Variants in PLCG2 observed in about 807,000 individuals in gnomAD.
PLCG2 encodes phospholipase C gamma 2.
A neutral mutation model predicts 175.6 loss-of-function variants in PLCG2; 69 were observed. The observed-to-expected ratio is 0.39, with a 90% confidence interval of 0.32 to 0.48. PLCG2 has a LOEUF of 0.48. PLCG2 is among the 20% of genes least tolerant of loss of function. The pLI is 0.91. For synonymous variants in PLCG2, 827 were observed against 624.0 expected, an observed-to-expected ratio of 1.33 and a Z score of -4.85; for missense variants, 1,798 against 1,650.9, an observed-to-expected ratio of 1.09 and a Z score of -1.54.
At chr16:81,778,032 CA>C (rs566484508), upstream of PLCG2, among the ~76,000 whole-genome samples, 24 of 58,710 alleles carry the variant, frequency 4.1e-4, no homozygotes, top group African/African-American at 2.0e-3. Context: ...AAAAAAAAAA[CA>C]AAAAAAAAAC....
chr16:81,854,618 C>T (rs372679048), intron 3 of PLCG2, 31 bp downstream of exon 3: 2 of 1,605,138 alleles, frequency 1.2e-6, no homozygotes, highest in South Asian at 1.1e-5. Flanking sequence ...CTTTCTCCTT[C>T]CCTGTGCCTT....
At chr16:81,837,267 C>T (rs1358183978) in intron 2 of PLCG2, among the ~76,000 whole-genome samples, 1 of 152,256 alleles carries the variant, frequency 6.6e-6, no homozygotes, top group East Asian at 1.9e-4. Flanking sequence ...ATTTACTCTT[C>T]TGCCAGTTCT....
intron 4 of PLCG2, among the ~76,000 whole-genome samples, chr16:81,858,600 A>T (rs1339295606): frequency 6.6e-6 from 1 of 152,098 alleles, no homozygotes; most frequent in African/African-American, 2.4e-5. Flanking sequence ...ATTGGACTCG[A>T]GATAGAAACA....
At chr16:81,770,134 T>G (rs1223873418) in intron 2 of PLCG2, among the ~76,000 whole-genome samples, 1 of 152,120 alleles carries the variant, frequency 6.6e-6, no homozygotes, top group Non-Finnish European at 1.5e-5. Flanking sequence ...TATTGATGCA[T>G]AACAACGCAG....
At chr16:81,767,136 G>GTTTTTTTT (rs66799783) in intron 2 of PLCG2, among the ~76,000 whole-genome samples, 1 of 71,726 alleles carries the variant, frequency 1.4e-5, no homozygotes, top group African/African-American at 5.9e-5. Context: ...TAAACTCGTG[G>GTTTTTTTT]TTTTTTTTTT....
chr16:81,821,755 C>G (rs966316507), intron 2 of PLCG2, among the ~76,000 whole-genome samples: 1 of 152,194 alleles, frequency 6.6e-6, no homozygotes, highest in African/African-American at 2.4e-5. Context: ...ACTTGCCAAG[C>G]AACTGGGGGC....
chr16:81,889,207 G>A lies in PLCG2; in HGVS notation c.801G>A (p.Glu267=), dbSNP rs1240634369. 6 of 1,606,108 alleles carry A rather than the reference G, an allele frequency of 3.7e-6. No homozygotes were observed. The Admixed American group carries it at 6.8e-5, about 18-fold the overall frequency. The change falls in exon 10 of 33, where the codon GAG becomes GAA. Residue 267 remains glutamate, a synonymous_variant. Coordinates refer to ENST00000564138, the MANE Select transcript of PLCG2 (RefSeq NM_002661.5). ...CTCAGGATCTGAACAAAGTCCGTGA[G>A]CGGATGACAAAGTTCATTGATGACA... ...HWAQDLNKVR[E]RMTKFIDDTM...
chr16:81,950,793 T>TA (rs1419192675), intron 31 of PLCG2, among the ~76,000 whole-genome samples: 2 of 152,204 alleles, frequency 1.3e-5, no homozygotes, highest in Non-Finnish European at 2.9e-5. Context: ...ATGCCATAGT[T>TA]ACATTTAGAA....
chr16:81,904,944 G>T (rs2143641855), intron 14 of PLCG2, among the ~76,000 whole-genome samples: 1 of 152,288 alleles, frequency 6.6e-6, no homozygotes, highest in African/African-American at 2.4e-5. Flanking sequence ...CTGGAGTGCA[G>T]TGGTGCAGTC....
chr16:81,856,861 A>C (rs574119667), intron 3 of PLCG2, among the ~76,000 whole-genome samples: 45 of 152,170 alleles, frequency 3.0e-4, no homozygotes, highest in Non-Finnish European at 5.7e-4. Flanking sequence ...GGGTTCTTAG[A>C]TACCCGGGAA....
intron 21 of PLCG2, among the ~76,000 whole-genome samples, chr16:81,922,793 G>A (rs1043308972): frequency 2.6e-5 from 4 of 152,206 alleles, no homozygotes; most frequent in Admixed American, 1.3e-4. Context: ...TTTGCTTGCC[G>A]TGTGGGTGTT....
At chr16:81,741,986 A>T (rs1909604380) in intron 1 of PLCG2, among the ~76,000 whole-genome samples, 2 of 152,028 alleles carry the variant, frequency 1.3e-5, no homozygotes, top group Non-Finnish European at 2.9e-5. Flanking sequence ...CGTTCCTCCT[A>T]CCTAGCTGAA....
At position 81,907,681 on chromosome 16, in the gene PLCG2, C is replaced by G. The variant is rs1434855431; in HGVS notation, c.1468-4C>G. On this transcript the variant is annotated splice_polypyrimidine_tract_variant and splice_region_variant and intron_variant, in intron 15 of 32. Coordinates refer to ENST00000564138, the MANE Select transcript of PLCG2 (RefSeq NM_002661.5). ...GGGGCACTAATACCAGTTTCACTTT[C>G]TAGAAATGGACTCGGCACTACTGCG... 4 of 1,611,626 alleles carry G rather than the reference C, an allele frequency of 2.5e-6. No individual in the cohort carries two copies. The South Asian group carries it at 4.4e-5, about 18-fold the overall frequency.
rs1295450657 is a variant in PLCG2, at chr16:81,916,945, T to C, written c.2055-2539T>C. ...GAGCCACCACGCCCGGCCAGGACTT[T>C]GTTATTGACTATAGTCCCTATGCTG... On this transcript the variant is annotated intron_variant, in intron 19 of 32. Coordinates refer to ENST00000564138, the MANE Select transcript of PLCG2 (RefSeq NM_002661.5). Among the ~76,000 whole-genome samples the C allele has an allele frequency of 4.6e-5, 7 of 152,294 alleles. No homozygotes were observed. The East Asian group carries it at 1.4e-3, about 29-fold the overall frequency.
At chr16:81,877,311 C>G (rs1399241715) in intron 7 of PLCG2, among the ~76,000 whole-genome samples, 1 of 152,142 alleles carries the variant, frequency 6.6e-6, no homozygotes, top group Non-Finnish European at 1.5e-5. Flanking sequence ...AAAAAATTAG[C>G]TGGGCATAGT....
rs1234124090 is a variant in PLCG2 at position 81,785,509 on chromosome 16, TTTTG to T, written c.-47-431_-47-428del. On this transcript the variant is annotated intron_variant, in intron 1 of 32. Coordinates refer to ENST00000564138, the MANE Select transcript of PLCG2 (RefSeq NM_002661.5). ...TTCGTTTATTTCATTTTTTTTTTTT[TTTTG>T]TTCTTAATTTTGCTCAGGAATAAAG... Among the ~76,000 whole-genome samples, 838 of 131,504 alleles carry T rather than the reference TTTTG, an allele frequency of 6.4e-3. 1 individual carries two copies. Among genetic ancestry groups the T allele is most frequent in the Non-Finnish European group, 0.01 (607 of 59,538 alleles). The allele number at this position is 131,504 out of a possible 152,430, so 86.3% of individuals were successfully genotyped here. A position where few individuals can be genotyped will look rare whatever the true frequency, so the allele number is the denominator to read the frequency against.
At chr16:81,806,790 G>C (rs1230276129) in intron 2 of PLCG2, among the ~76,000 whole-genome samples, 1 of 152,018 alleles carries the variant, frequency 6.6e-6, no homozygotes, top group Non-Finnish European at 1.5e-5. Context: ...GGGCTGTGTA[G>C]ATAAGTGTTT....
At position 81,900,794 on chromosome 16, in the gene PLCG2, G is replaced by T. The variant is rs990461810; in HGVS notation, c.1362+14G>T. ...ATCATCATCAAGGTAGGCACCCCGG[G>T]TGCTGCTGTTGGCTGTCCAGGGAGC... On this transcript the variant is annotated intron_variant, in intron 14 of 32. Transcript: ENST00000564138. The T allele has an allele frequency of 1.3e-6, 2 of 1,590,522 alleles. No homozygotes were observed. Among genetic ancestry groups the T allele is most frequent in the Non-Finnish European group, 1.7e-6 (2 of 1,161,072 alleles).
intron 2 of PLCG2, among the ~76,000 whole-genome samples, chr16:81,808,520 G>A (rs896311608): frequency 6.6e-6 from 1 of 151,862 alleles, no homozygotes; most frequent in Non-Finnish European, 1.5e-5. Context: ...TTGAGATGGA[G>A]TCTCCCTCTG....
Sources: gnomAD v4.1 joint callset for allele counts (sites outside exome capture counted in the v4.1 genomes callset) on GRCh38, gnomAD v4.1.1 for gene constraint, MANE v1.5 for transcripts, NCBI Gene and HGNC (gene_info 2026-07-23, HGNC 2026-07-21) for gene names.